ACYP2: variants seen among roughly 807,000 people sequenced by gnomAD.
ACYP2 encodes acylphosphatase-2.
ACYP2 carries 12 observed loss-of-function variants against 11.2 expected under a neutral mutation model. The ratio of observed to expected loss-of-function variants is 1.08; its 90% CI spans 0.69 to 1.74. ACYP2 has a LOEUF of 1.74. Ranked by LOEUF, ACYP2 falls within the 40% of genes most tolerant of loss-of-function variation. ACYP2 has a pLI of 0.00. For synonymous variants in ACYP2, 43 were observed against 32.2 expected, an observed-to-expected ratio of 1.33 and a Z score of -1.13; for missense variants, 134 against 101.9, an observed-to-expected ratio of 1.31 and a Z score of -1.35.
In ACYP2 at chr2:54,175,150, G is replaced by A. The variant is rs182117412; in HGVS notation, c.404+36402G>A. Among the ~76,000 whole-genome samples, 561 of 152,196 alleles carry A rather than the reference G, an allele frequency of 3.7e-3. 3 individuals carry two copies. The highest frequency in any genetic ancestry group is 0.012 in the African/African-American group (506 of 41,528). ...TCTGGTAGAATTTGGCTGTGAATCC[G>A]TCTGGTCCTGGAGTTTTTTTTGGTT... On this transcript the variant is annotated intron_variant, in intron 6 of 6. Transcript: ENST00000607452.
chr2:54,235,656 T>C (rs1429444805), intron 6 of ACYP2, among the ~76,000 whole-genome samples: 1 of 152,128 alleles, frequency 6.6e-6, no homozygotes, highest in African/African-American at 2.4e-5. Flanking sequence ...GGCCAACCTA[T>C]AGGGTTTTTT....
At chr2:54,250,927 G>T (rs1687194498) in intron 6 of ACYP2, among the ~76,000 whole-genome samples, 1 of 152,142 alleles carries the variant, frequency 6.6e-6, no homozygotes, top group Non-Finnish European at 1.5e-5. Context: ...CTCAAAGAGG[G>T]AGGCCTGAAA....
chr2:54,134,324 A>G (rs1681098513), intron 4 of ACYP2, among the ~76,000 whole-genome samples: 3 of 152,148 alleles, frequency 2.0e-5, no homozygotes, highest in Admixed American at 2.0e-4. Flanking sequence ...AAATAAATAA[A>G]TAAATAAATA....
chr2:54,212,949 CTTTTA>C (rs1033850812), intron 6 of ACYP2, among the ~76,000 whole-genome samples: 2 of 148,910 alleles, frequency 1.3e-5, no homozygotes, highest in African/African-American at 2.5e-5. Context: ...TTTTCTCCAA[CTTTTA>C]TTTTAGGTTC....
intron 4 of ACYP2, among the ~76,000 whole-genome samples, chr2:54,110,758 G>A (rs931525960): frequency 1.3e-5 from 2 of 151,826 alleles, no homozygotes; most frequent in African/African-American, 4.8e-5. Context: ...GCAAGGTGTC[G>A]CCCCATCACC....
intron 6 of ACYP2, among the ~76,000 whole-genome samples, chr2:54,196,208 A>G (rs1684473784): frequency 6.6e-6 from 1 of 151,860 alleles, no homozygotes; most frequent in Non-Finnish European, 1.5e-5. Context: ...AACATATTTT[A>G]TTTTTTCAGA....
intron 2 of ACYP2, among the ~76,000 whole-genome samples, chr2:54,007,134 G>A (rs1304981838): frequency 7.5e-5 from 5 of 66,374 alleles, no homozygotes; most frequent in African/African-American, 3.7e-4. Flanking sequence ...GAGAGACTCT[G>A]TGTCAAAAAA....
chr2:54,093,056 G>A (rs1558522727), intron 4 of ACYP2, among the ~76,000 whole-genome samples: 1 of 152,132 alleles, frequency 6.6e-6, no homozygotes, highest in Non-Finnish European at 1.5e-5. Flanking sequence ...CTGCACAGCA[G>A]GTAAACTCCT....
chr2:54,132,179 C>G (rs976468704), intron 4 of ACYP2, among the ~76,000 whole-genome samples: 1 of 151,068 alleles, frequency 6.6e-6, no homozygotes, highest in Non-Finnish European at 1.5e-5. Flanking sequence ...TAAAAAGACG[C>G]ACACTTTTGC....
At chr2:54,000,132 T>G (rs1271336833) in intron 2 of ACYP2, among the ~76,000 whole-genome samples, 1 of 151,554 alleles carries the variant, frequency 6.6e-6, no homozygotes, top group Admixed American at 6.6e-5. Flanking sequence ...AGAAATTATA[T>G]TATTTTACTA....
At chr2:54,286,375 T>C (rs1689077715) in intron 6 of ACYP2, among the ~76,000 whole-genome samples, 2 of 152,024 alleles carry the variant, frequency 1.3e-5, no homozygotes, top group South Asian at 2.1e-4. Flanking sequence ...AGATTTCTAC[T>C]AAATGTTTAT....
chr2:54,241,126 C>A (rs947168326), intron 6 of ACYP2, among the ~76,000 whole-genome samples: 2 of 152,168 alleles, frequency 1.3e-5, no homozygotes, highest in Non-Finnish European at 2.9e-5. Flanking sequence ...CAGAGTAGAG[C>A]ACCCCCACTC....
At chr2:54,082,765 G>A (rs1270159399) in intron 4 of ACYP2, 3 of 152,164 alleles carry the variant, frequency 2.0e-5, no homozygotes, top group African/African-American at 7.2e-5. Flanking sequence ...CAAAACTCAA[G>A]TTCCTAGGTA....
chr2:54,224,718 C>CT (rs1312806464), intron 6 of ACYP2, among the ~76,000 whole-genome samples: 1 of 99,156 alleles, frequency 1.0e-5, no homozygotes, highest in Non-Finnish European at 2.1e-5. Flanking sequence ...GGGTACCAGC[C>CT]CGTCTGCCTA....
At chr2:54,044,293 C>A (rs115020668) in intron 2 of ACYP2, among the ~76,000 whole-genome samples, 60 of 152,240 alleles carry the variant, frequency 3.9e-4, no homozygotes, top group African/African-American at 1.4e-3. Context: ...TTTTGGAAAG[C>A]TTTTCAAAAG....
intron 2 of ACYP2, among the ~76,000 whole-genome samples, chr2:54,015,838 T>C (rs1428312938): frequency 6.6e-6 from 1 of 152,126 alleles, no homozygotes; most frequent in African/African-American, 2.4e-5. Flanking sequence ...GTTGTCATTA[T>C]ATTTTTGGAG....
intron 6 of ACYP2, among the ~76,000 whole-genome samples, chr2:54,245,733 A>ATGTT (rs1320635515): frequency 1.4e-5 from 2 of 144,456 alleles, no homozygotes; most frequent in Non-Finnish European, 3.0e-5. Context: ...TGCTGTTGCG[A>ATGTT]TGTTTGATTT....
At chr2:54,108,826 C>A (rs918357) in intron 4 of ACYP2, among the ~76,000 whole-genome samples, 86,384 of 151,960 alleles carry the variant, frequency 0.57, 24,681 homozygotes, top group East Asian at 0.71. Context: ...CTTCAGATGC[C>A]TACTTCCTGT....
intron 6 of ACYP2, among the ~76,000 whole-genome samples, chr2:54,260,328 A>G (rs1450911327): frequency 3.3e-5 from 5 of 152,156 alleles, no homozygotes; most frequent in Non-Finnish European, 5.9e-5. Context: ...AAGGTATGAA[A>G]TAGTTGTCTA....
Sources: allele counts gnomAD v4.1 joint callset (sites outside exome capture counted in the v4.1 genomes callset), GRCh38; gene constraint gnomAD v4.1.1; transcripts MANE v1.5; gene names NCBI Gene and HGNC (gene_info 2026-07-23, HGNC 2026-07-21).